Variants in DOK6 observed in about 807,000 individuals in gnomAD.
DOK6 encodes downstream of tyrosine kinase 6.
DOK6 carries 22 observed loss-of-function variants against 44.0 expected under a neutral mutation model. That is an observed-to-expected ratio of 0.50 (90% confidence interval 0.36 to 0.71). DOK6 has a LOEUF of 0.71. DOK6 is among the 30% of genes least tolerant of loss of function. DOK6 has a pLI of 0.00. For missense variants in DOK6, 340 were observed against 416.4 expected (o/e 0.82, Z 1.60); for synonymous variants, 166 against 145.5 (o/e 1.14, Z -1.01).
intron 1 of DOK6, among the ~76,000 whole-genome samples, chr18:69,431,748 C>A (rs527681942): frequency 6.6e-6 from 1 of 152,066 alleles, no homozygotes; most frequent in African/African-American, 2.4e-5. Flanking sequence ...TTGAAATCTC[C>A]CCACCCCATG....
chr18:69,584,126 AAG>A (rs1983441709), intron 2 of DOK6, among the ~76,000 whole-genome samples: 1 of 146,744 alleles, frequency 6.8e-6, no homozygotes, highest in African/African-American at 2.5e-5. Flanking sequence ...AAAAAAAAAA[AAG>A]AAAAGAAAAA....
intron 7 of DOK6, among the ~76,000 whole-genome samples, chr18:69,818,583 C>T (rs1981471904): frequency 6.6e-6 from 1 of 152,130 alleles, no homozygotes; most frequent in African/African-American, 2.4e-5. Context: ...ATCAGGCTCG[C>T]CCAAATGACC....
chr18:69,528,649 T>TTAAATGTAAGGTTTAATA (rs1168370574), intron 1 of DOK6, among the ~76,000 whole-genome samples: 3 of 152,218 alleles, frequency 2.0e-5, no homozygotes, highest in African/African-American at 7.2e-5. Flanking sequence ...GGCTTTCTGT[T>TTAAATGTAAGGTTTAATA]TAAATGTAAG....
In DOK6 at chr18:69,414,722, T is replaced by C. The variant is rs536076352; in HGVS notation, c.66+13412T>C. Among the ~76,000 whole-genome samples, 46 of 152,144 alleles carry C rather than the reference T, an allele frequency of 3.0e-4. No individual in the cohort carries two copies. In the South Asian group the frequency reaches 4.4e-3, roughly 14 times the overall value. On this transcript the variant is annotated intron_variant, in intron 1 of 7. Coordinates refer to ENST00000382713, the MANE Select transcript of DOK6 (RefSeq NM_152721.6). ...AGATGGTAATTTTACAAGAAGTTACTATGGGGAAAATTGGATAAAGAGCAT... is the reference window on the plus strand; with the variant it reads ...AGATGGTAATTTTACAAGAAGTTACCATGGGGAAAATTGGATAAAGAGCAT...
At chr18:69,673,960 C>T (rs1039347326) in intron 3 of DOK6, among the ~76,000 whole-genome samples, 1 of 152,074 alleles carries the variant, frequency 6.6e-6, no homozygotes, top group Non-Finnish European at 1.5e-5. Context: ...ATTACAAAGG[C>T]ACTCGGTCTA....
At chr18:69,681,681 A>C (rs1986048575) in intron 4 of DOK6, among the ~76,000 whole-genome samples, 1 of 152,246 alleles carries the variant, frequency 6.6e-6, no homozygotes. Flanking sequence ...GTCTTTCAGT[A>C]GTATTTAAGA....
intron 1 of DOK6, among the ~76,000 whole-genome samples, chr18:69,435,527 C>T (rs954514080): frequency 1.3e-4 from 20 of 152,124 alleles, no homozygotes; most frequent in South Asian, 4.2e-4. Flanking sequence ...ATTCGATTGT[C>T]GACACAAAGT....
At chr18:69,701,086 C>A (rs1038970276) in intron 5 of DOK6, among the ~76,000 whole-genome samples, 4 of 152,174 alleles carry the variant, frequency 2.6e-5, no homozygotes, top group Non-Finnish European at 5.9e-5. Context: ...TTGTTAAATT[C>A]TGCTGTAAAA....
intron 7 of DOK6, among the ~76,000 whole-genome samples, chr18:69,836,756 C>A (rs967368467): frequency 1.3e-5 from 2 of 152,122 alleles, no homozygotes; most frequent in African/African-American, 4.8e-5. Context: ...GTGTGATGAG[C>A]AAGGCTGTTG....
intron 7 of DOK6, among the ~76,000 whole-genome samples, chr18:69,831,518 A>G (rs1345567129): frequency 6.6e-5 from 10 of 152,342 alleles, no homozygotes; most frequent in East Asian, 3.9e-4. Flanking sequence ...TTTCTAAGGT[A>G]CTTAGCACTG....
intron 4 of DOK6, among the ~76,000 whole-genome samples, chr18:69,682,456 C>A (rs1027613353): frequency 6.6e-6 from 1 of 152,176 alleles, no homozygotes; most frequent in Admixed American, 6.5e-5. Flanking sequence ...AAGCTGCAGA[C>A]AATGCCAGTG....
chr18:69,422,130 T>C (rs1488681337), intron 1 of DOK6, among the ~76,000 whole-genome samples: 2 of 152,182 alleles, frequency 1.3e-5, no homozygotes, highest in Non-Finnish European at 1.5e-5. Flanking sequence ...AGGCCAGGGA[T>C]CCACACATGT....
At chr18:69,529,971 G>C (rs1981938845) in intron 1 of DOK6, among the ~76,000 whole-genome samples, 1 of 151,982 alleles carries the variant, frequency 6.6e-6, no homozygotes, top group South Asian at 2.1e-4. Flanking sequence ...CTTGTTTCTG[G>C]CAAGTCCATT....
intron 2 of DOK6, among the ~76,000 whole-genome samples, chr18:69,590,752 G>A (rs1983603364): frequency 1.3e-5 from 2 of 152,120 alleles, no homozygotes; most frequent in African/African-American, 4.8e-5. Flanking sequence ...GGAGGCTGAT[G>A]GGAACATAAT....
At chr18:69,785,699 C>T (rs1230559402) in intron 7 of DOK6, among the ~76,000 whole-genome samples, 2 of 152,086 alleles carry the variant, frequency 1.3e-5, no homozygotes, top group African/African-American at 4.8e-5. Flanking sequence ...TCTCAATGTG[C>T]TTTGTTGCCA....
chr18:69,554,941 G>A (rs556719298), intron 1 of DOK6, among the ~76,000 whole-genome samples: 1 of 152,058 alleles, frequency 6.6e-6, no homozygotes, highest in South Asian at 2.1e-4. Flanking sequence ...TTTTATAAGC[G>A]CCTGCTCAAG....
intron 1 of DOK6, among the ~76,000 whole-genome samples, chr18:69,497,885 G>A (rs1473889849): frequency 1.3e-5 from 2 of 152,082 alleles, no homozygotes; most frequent in East Asian, 3.9e-4. Flanking sequence ...ACTACGTTGG[G>A]AAGGTGACGT....
chr18:69,621,085 G>T (rs1336876469), intron 3 of DOK6, among the ~76,000 whole-genome samples: 1 of 151,880 alleles, frequency 6.6e-6, no homozygotes, highest in Non-Finnish European at 1.5e-5. Flanking sequence ...AATGCATTCT[G>T]GTTGAATGCA....
intron 1 of DOK6, among the ~76,000 whole-genome samples, chr18:69,538,187 C>A (rs1982172738): frequency 6.6e-6 from 1 of 152,052 alleles, no homozygotes; most frequent in Non-Finnish European, 1.5e-5. Context: ...AATATGAGAA[C>A]TTACATGAAA....
Sources: allele counts gnomAD v4.1 joint callset (sites outside exome capture counted in the v4.1 genomes callset), GRCh38; gene constraint gnomAD v4.1.1; transcripts MANE v1.5; gene names NCBI Gene and HGNC (gene_info 2026-07-23, HGNC 2026-07-21).